The following LRP5 variants were observed in gnomAD, a reference collection of about 807,000 sequenced individuals.
The protein encoded by LRP5 is LDL receptor related protein 5, also known as low-density lipoprotein receptor-related protein 5.
LRP5 carries 62 observed loss-of-function variants against 154.1 expected under a neutral mutation model. That is an observed-to-expected ratio of 0.40 (90% CI 0.33 to 0.50). The LOEUF is 0.50. LRP5 is among the 20% of genes least tolerant of loss of function. The pLI, the probability that LRP5 is intolerant of heterozygous loss-of-function variation, is 0.55. For synonymous variants in LRP5, 966 were observed against 1,011.5 expected (o/e 0.96, Z 0.85); for missense variants, 1,915 against 2,336.7 (o/e 0.82, Z 3.72).
intron 1 of LRP5, among the ~76,000 whole-genome samples, chr11:68,316,322 A>G (rs1338403920): frequency 6.6e-6 from 1 of 151,648 alleles, no homozygotes; most frequent in Non-Finnish European, 1.5e-5. Context: ...CCCAGGTTGG[A>G]GTGCGGTGGT....
chr11:68,424,241 A>G (rs1002936477), intron 14 of LRP5, among the ~76,000 whole-genome samples: 1 of 152,212 alleles, frequency 6.6e-6, no homozygotes, highest in Non-Finnish European at 1.5e-5. Context: ...GTTTGGGGAC[A>G]GGAGCGCGAT....
chr11:68,376,760 AC>A (rs2098637582), intron 5 of LRP5, among the ~76,000 whole-genome samples: 3 of 152,308 alleles, frequency 2.0e-5, no homozygotes, highest in Admixed American at 2.0e-4. Context: ...TCAGAAAGGC[AC>A]CCTGTGCTGG....
At chr11:68,332,828 G>A (rs1321952946) in intron 1 of LRP5, among the ~76,000 whole-genome samples, 1 of 152,110 alleles carries the variant, frequency 6.6e-6, no homozygotes, top group Non-Finnish European at 1.5e-5. Context: ...GGAATTGGTG[G>A]GATATAGATG....
At chr11:68,349,968 C>T (rs570674649) in intron 2 of LRP5, among the ~76,000 whole-genome samples, 24 of 152,280 alleles carry the variant, frequency 1.6e-4, no homozygotes, top group African/African-American at 5.8e-4. Flanking sequence ...AGAGCCATTT[C>T]CCACCACCCC....
chr11:68,371,653 C>T (rs1565352859), intron 5 of LRP5, among the ~76,000 whole-genome samples: 1 of 152,260 alleles, frequency 6.6e-6, no homozygotes, highest in Admixed American at 6.5e-5. Flanking sequence ...TTAGCTGTGC[C>T]GCCTGGCTGC....
At chr11:68,438,113 G>A (rs1565116220) in intron 19 of LRP5, among the ~76,000 whole-genome samples, 2 of 152,354 alleles carry the variant, frequency 1.3e-5, no homozygotes, top group East Asian at 1.9e-4. Flanking sequence ...CATCACCTGG[G>A]CTGGCCAGGG....
chr11:68,392,868 T>G (rs960765998), intron 7 of LRP5, among the ~76,000 whole-genome samples: 1 of 152,160 alleles, frequency 6.6e-6, no homozygotes, highest in African/African-American at 2.4e-5. Flanking sequence ...GGGTTAGGCC[T>G]GTAATCCTAA....
At position 68,320,457 on chromosome 11, in the gene LRP5, CT is replaced by C. The variant is rs554377386; in HGVS notation, c.91+7668del. ...TTTTCTTTTCTTTTTTCTTCTTCTT[CT>C]TTTTTTTTTTTTTTTGAGACAGAGT... On this transcript the variant is annotated intron_variant, in intron 1 of 22. Coordinates refer to ENST00000294304, the MANE Select transcript of LRP5 (RefSeq NM_002335.4). Among the ~76,000 whole-genome samples the C allele has an allele frequency of 2.8e-3, 391 of 139,554 alleles. 2 individuals are homozygous for C. The highest frequency in any genetic ancestry group is 7.4e-3 in the Middle Eastern group (2 of 270). 91.6% of individuals were successfully genotyped at this position (139,554 alleles called of 152,430 possible).
intron 16 of LRP5, among the ~76,000 whole-genome samples, chr11:68,427,134 A>C (rs1424646606): frequency 6.6e-6 from 1 of 152,220 alleles, no homozygotes; most frequent in Non-Finnish European, 1.5e-5. Flanking sequence ...CGGCTGATTA[A>C]TAACCTTAAT....
intron 1 of LRP5, among the ~76,000 whole-genome samples, chr11:68,333,862 T>C (rs901769514): frequency 1.1e-4 from 16 of 152,084 alleles, no homozygotes; most frequent in African/African-American, 3.9e-4. Flanking sequence ...GATTGATCAG[T>C]GGATTCAGTG....
At chr11:68,414,046 C>G in intron 12 of LRP5, 34 bp downstream of exon 12, 8 of 1,579,310 alleles carry the variant, frequency 5.1e-6, no homozygotes, top group Non-Finnish European at 6.9e-6. Flanking sequence ...ACCTCACTCC[C>G]TCGTTAGATC....
chr11:68,421,221 C>T (rs1266575030), intron 13 of LRP5, among the ~76,000 whole-genome samples: 6 of 151,956 alleles, frequency 3.9e-5, no homozygotes, highest in South Asian at 2.1e-4. Flanking sequence ...AGCAAGACTC[C>T]GTCTCACGCA....
chr11:68,400,559 A>AG (rs1358542401), intron 7 of LRP5, among the ~76,000 whole-genome samples: 5 of 85,418 alleles, frequency 5.9e-5, no homozygotes, highest in Non-Finnish European at 1.3e-4. Context: ...CGTCTCTACT[A>AG]AAAATAAATA....
Position 68,386,847 on chromosome 11 carries a change from A to C in LRP5, c.1412+135A>C. ...GAGGAGGGCTTGTTAAAACACCGGC[A>C]GCTGGGCCCCACCCCCAGAGCGGTG... On this transcript the variant is annotated intron_variant, in intron 6 of 22. Transcript: ENST00000294304. This position sits in a 1 kb window ranked among gnomAD's most constrained non-coding sequence, Gnocchi z 7.9. The C allele has an allele frequency of 9.3e-7, 1 of 1,070,276 alleles. No individual in the cohort carries two copies. Among genetic ancestry groups the C allele is most frequent in the Non-Finnish European group, 1.3e-6 (1 of 763,126 alleles). The allele number at this position is 1,070,276 out of a possible 1,614,324, so 66.3% of individuals were successfully genotyped here.
At chr11:68,429,104 A>G (rs1336004282) in intron 16 of LRP5, among the ~76,000 whole-genome samples, 20 of 145,362 alleles carry the variant, frequency 1.4e-4, no homozygotes, top group African/African-American at 4.3e-4. Context: ...CTCAAAAAAA[A>G]AAGCCAGGCA....
intron 7 of LRP5, among the ~76,000 whole-genome samples, chr11:68,400,642 C>T (rs1353630284): frequency 1.3e-5 from 2 of 152,102 alleles, no homozygotes; most frequent in African/African-American, 4.8e-5. Context: ...GCAGGAGAAT[C>T]GCTTGAACCT....
At chr11:68,448,692 G>T (rs1382982517) in intron 22 of LRP5, 117 bp from the exon 23 acceptor site, 2 of 1,322,542 alleles carry the variant, frequency 1.5e-6, no homozygotes, top group Non-Finnish European at 2.1e-6. Context: ...AGTCCGGCCT[G>T]CATCTTCTGG....
intron 2 of LRP5, among the ~76,000 whole-genome samples, chr11:68,352,179 G>A (rs1307799847): frequency 3.3e-5 from 5 of 152,180 alleles, no homozygotes. Flanking sequence ...AAGCAGCAGC[G>A]GGGACACCTC....
intron 5 of LRP5, among the ~76,000 whole-genome samples, chr11:68,368,644 T>G (rs576142560): frequency 5.5e-4 from 84 of 152,320 alleles, no homozygotes; most frequent in Non-Finnish European, 9.0e-4. Flanking sequence ...TCTTACTCTC[T>G]TGGTGTGTCT....
Sources: allele counts gnomAD v4.1 joint callset (sites outside exome capture counted in the v4.1 genomes callset), GRCh38; gene constraint gnomAD v4.1.1; non-coding constraint Gnocchi (gnomAD v3.1); transcripts MANE v1.5; gene names NCBI Gene and HGNC (gene_info 2026-07-23, HGNC 2026-07-21).